The following LMNB2 variants were observed in gnomAD, a reference collection of about 807,000 sequenced individuals.
LMNB2 encodes the protein lamin-B2.
Under a neutral mutation model 69.3 loss-of-function variants are expected in LMNB2, and 17 were observed. The observed-to-expected ratio is 0.25, with a 90% CI of 0.17 to 0.37. The LOEUF is 0.37. Among genes scored for constraint, LMNB2 ranks in the 10% least tolerant of loss-of-function variants. The pLI, the probability that LMNB2 is intolerant of heterozygous loss-of-function variation, is 1.00. For missense variants in LMNB2, 789 were observed against 883.6 expected (o/e 0.89, Z 1.36); for synonymous variants, 397 against 389.3 (o/e 1.02, Z -0.23).
chr19:2,444,396 C>T lies in LMNB2; in HGVS notation c.401+8G>A. The stretch of plus-strand genomic sequence containing the variant: ...AGGGTGACGTCGTGCCCAGCCGTGA[C>T]CACTCACCTCTTGTTGACCTCGTCC... On this transcript the variant is annotated splice_region_variant and intron_variant, in intron 2 of 11. Transcript: ENST00000325327. 1.2e-6 allele frequency: 2 copies of T among 1,613,696 alleles called. No homozygotes were observed. The highest frequency in any genetic ancestry group is 2.2e-5 in the South Asian group (2 of 91,082).
chr19:2,431,005 A>T, intron 11 of LMNB2, 53 bp from the exon 12 acceptor site: 1 of 1,274,854 alleles, frequency 7.8e-7, no homozygotes, highest in South Asian at 1.2e-5. Context: ...GCCTGGAGGC[A>T]GCCGGCAGGT....
At chr19:2,452,274 A>G (rs1043472294) in intron 1 of LMNB2, among the ~76,000 whole-genome samples, 1 of 152,172 alleles carries the variant, frequency 6.6e-6, no homozygotes, top group Non-Finnish European at 1.5e-5. Context: ...GGCAGGAAAG[A>G]AGTGAGCAAG....
chr19:2,441,272 C>T (rs1971897595), intron 2 of LMNB2, among the ~76,000 whole-genome samples: 1 of 152,278 alleles, frequency 6.6e-6, no homozygotes, highest in Non-Finnish European at 1.5e-5. Flanking sequence ...CCCGCCAGGG[C>T]AGGGCGGCCA....
chr19:2,443,296 G>A lies in LMNB2; in HGVS notation c.401+1108C>T, dbSNP rs775099792. Among the ~76,000 whole-genome samples the A allele has an allele frequency of 2.6e-5, 4 of 152,222 alleles. No homozygotes were observed. The highest frequency in any genetic ancestry group is 7.2e-5 in the African/African-American group (3 of 41,448). On this transcript the variant is annotated intron_variant, in intron 2 of 11. Transcript: ENST00000325327. The surrounding 1 kb of genome is among the most constrained non-coding windows in gnomAD (Gnocchi z 6.2). Reference sequence around the variant, plus strand: ...CTGGAGGGTCTCCTGTTGGGGAAGGGAAGTCAGCTCTCCACGGGAGCAGCG... The same window carrying A: ...CTGGAGGGTCTCCTGTTGGGGAAGGAAAGTCAGCTCTCCACGGGAGCAGCG...
chr19:2,432,415 C>T lies in LMNB2; in HGVS notation c.1590+1G>A. ...CCTCGCCCTCCTGCCCCACCACCTA[C>T]CGTGACCATCTGGCCGGCGCGCAGG... is the stretch of plus-strand genomic sequence containing the variant. On this transcript the variant is annotated splice_donor_variant, in intron 9 of 11. Transcript: ENST00000325327. LOFTEE classifies it high-confidence loss of function. 1 of 1,604,344 alleles carries T rather than the reference C, an allele frequency of 6.2e-7. No individual in the cohort carries two copies. The highest frequency in any genetic ancestry group is 8.5e-7 in the Non-Finnish European group (1 of 1,175,130).
At chr19:2,441,629 C>T (rs1020947090) in intron 2 of LMNB2, among the ~76,000 whole-genome samples, 11 of 152,364 alleles carry the variant, frequency 7.2e-5, no homozygotes, top group African/African-American at 2.6e-4. Flanking sequence ...AGGCACCGCT[C>T]TCACACCAGA....
chr19:2,431,014 G>T, intron 11 of LMNB2, 62 bp from the exon 12 acceptor site: 1 of 1,054,532 alleles, frequency 9.5e-7, no homozygotes, highest in Non-Finnish European at 1.5e-6. Flanking sequence ...CAGCCGGCAG[G>T]TAGATGGCTG....
intron 9 of LMNB2, 61 bp downstream of exon 9, chr19:2,432,354 TC>T: frequency 9.7e-7 from 1 of 1,026,420 alleles, no homozygotes; most frequent in Non-Finnish European, 1.4e-6. Flanking sequence ...GTGCCTCCAG[TC>T]CCCTGACCCC....
At chr19:2,436,876 C>T (rs571108469) in intron 4 of LMNB2, 4 of 152,846 alleles carry the variant, frequency 2.6e-5, no homozygotes, top group South Asian at 2.1e-4. Context: ...GGCCTCTTCC[C>T]GGCCCCTGCA....
In LMNB2 at chr19:2,428,769, T is replaced by A. The variant is rs1325367853; in HGVS notation, c.*2142A>T. On this transcript the variant is annotated 3_prime_UTR_variant, in exon 12 of 12. Coordinates refer to ENST00000325327, the MANE Select transcript of LMNB2 (RefSeq NM_032737.4). ...CAAATGCAAATTGTTTCCCAGGCCATAAATAACTTTTAAAAATTTGATTTT... is the reference window on the plus strand; with the variant it reads ...CAAATGCAAATTGTTTCCCAGGCCAAAAATAACTTTTAAAAATTTGATTTT... 1.3e-5 allele frequency: 2 copies of A among 152,246 alleles called. No homozygotes were observed. Among genetic ancestry groups the A allele is most frequent in the African/African-American group, 2.4e-5 (1 of 41,466 alleles). The allele number at this position is 152,246 out of a possible 1,614,324, so 9.4% of individuals were successfully genotyped here.
chr19:2,439,763 C>T (rs1476423267), intron 2 of LMNB2, among the ~76,000 whole-genome samples: 6 of 149,390 alleles, frequency 4.0e-5, no homozygotes, highest in East Asian at 2.0e-4. Flanking sequence ...GTTGGAGTTT[C>T]GCTCTTGTTG....
At chr19:2,454,500 A>C (rs943474360) in intron 1 of LMNB2, among the ~76,000 whole-genome samples, 4 of 152,056 alleles carry the variant, frequency 2.6e-5, no homozygotes. Flanking sequence ...AATTACACCC[A>C]TTCCAAAGGC....
chr19:2,438,648 G>C, intron 2 of LMNB2, 117 bp from the exon 3 acceptor site: 1 of 1,283,492 alleles, frequency 7.8e-7, no homozygotes, highest in Non-Finnish European at 1.1e-6. Context: ...CCGAGCCCCA[G>C]ACCTTCCCGT....
chr19:2,454,292 C>CAAAAAAAAA (rs58800585), intron 1 of LMNB2, among the ~76,000 whole-genome samples: 7 of 80,964 alleles, frequency 8.6e-5, no homozygotes, highest in African/African-American at 2.2e-4. Context: ...GACTCTATCT[C>CAAAAAAAAA]AAAAAAAAAA....
intron 2 of LMNB2, among the ~76,000 whole-genome samples, chr19:2,441,541 G>A (rs1971900748): frequency 1.3e-5 from 2 of 152,234 alleles, no homozygotes; most frequent in African/African-American, 4.8e-5. Context: ...CGAGCCCTGC[G>A]GCCCTGCTGG....
chr19:2,431,366 C>A (rs1971736634), intron 11 of LMNB2, among the ~76,000 whole-genome samples, 182 bp downstream of exon 11: 1 of 152,278 alleles, frequency 6.6e-6, no homozygotes, highest in African/African-American at 2.4e-5. Context: ...TGGGCACGAC[C>A]CAGGAGGCAA....
intron 2 of LMNB2, among the ~76,000 whole-genome samples, chr19:2,440,948 C>T (rs1454846214): frequency 2.0e-5 from 3 of 152,220 alleles, no homozygotes; most frequent in Non-Finnish European, 4.4e-5. Context: ...GCTGCCTTCC[C>T]AGCTCACAGT....
At chr19:2,450,131 T>TATATAC (rs1972004747) in intron 1 of LMNB2, among the ~76,000 whole-genome samples, 4 of 134,574 alleles carry the variant, frequency 3.0e-5, no homozygotes, top group African/African-American at 1.2e-4. Flanking sequence ...CATATATATA[T>TATATAC]ATATTCCATT....
At chr19:2,454,292 CAAAAAAAAAAAAAAAA>C (rs58800585) in intron 1 of LMNB2, among the ~76,000 whole-genome samples, 3 of 80,986 alleles carry the variant, frequency 3.7e-5, no homozygotes, top group African/African-American at 1.3e-4. Flanking sequence ...GACTCTATCT[CAAAAAAAAAAAAAAAA>C]AAAAAGAAAG....
Sources: allele counts gnomAD v4.1 joint callset (sites outside exome capture counted in the v4.1 genomes callset), GRCh38; gene constraint gnomAD v4.1.1; non-coding constraint Gnocchi (gnomAD v3.1); transcripts MANE v1.5; gene names NCBI Gene and HGNC (gene_info 2026-07-23, HGNC 2026-07-21).